MDGA2: variants seen among roughly 807,000 people sequenced by gnomAD.
The protein encoded by MDGA2 is MAM domain containing glycosylphosphatidylinositol anchor 2, also known as MAM domain-containing glycosylphosphatidylinositol anchor protein 2.
A neutral mutation model predicts 117.8 loss-of-function variants in MDGA2; 40 were observed. That is an observed-to-expected ratio of 0.34 (90% CI 0.26 to 0.44). The LOEUF (loss-of-function observed/expected upper bound fraction) is 0.44, where lower values mean the gene tolerates loss of function less well. Among genes scored for constraint, MDGA2 ranks in the 20% least tolerant of loss-of-function variants. MDGA2 has a pLI of 1.00. For missense variants in MDGA2, 1,123 were observed against 1,250.6 expected, an observed-to-expected ratio of 0.90 and a Z score of 1.54; for synonymous variants, 452 against 439.0, an observed-to-expected ratio of 1.03 and a Z score of -0.37.
intron 1 of MDGA2, among the ~76,000 whole-genome samples, chr14:47,400,753 C>CT (rs1169958786): frequency 2.5e-4 from 5 of 19,948 alleles, no homozygotes; most frequent in African/African-American, 3.8e-4. Context: ...CTTTTCTTTT[C>CT]TTTTCTTTTT....
chr14:47,527,647 G>A (rs538253127), intron 1 of MDGA2, among the ~76,000 whole-genome samples: 1 of 152,276 alleles, frequency 6.6e-6, no homozygotes, highest in African/African-American at 2.4e-5. Flanking sequence ...AGAGAACAGA[G>A]TTTCAAGAAG....
At position 47,486,788 on chromosome 14, in the gene MDGA2, C is replaced by G. The variant is rs564945745; in HGVS notation, c.281-185238G>C. ...TTTGCTTGCTGCCATCCATGTAAGA[C>G]ATAACTTGCTCCCCCTTGCCTTCTG... On this transcript the variant is annotated intron_variant, in intron 1 of 16. Transcript: ENST00000399232. Among the ~76,000 whole-genome samples the G allele has an allele frequency of 1.6e-3, 241 of 152,294 alleles. 1 individual carries two copies. Among genetic ancestry groups the G allele is most frequent in the African/African-American group, 5.6e-3 (233 of 41,574 alleles).
chr14:46,946,700 A>G (rs919209754), intron 9 of MDGA2, among the ~76,000 whole-genome samples: 2 of 152,128 alleles, frequency 1.3e-5, no homozygotes, highest in Admixed American at 6.6e-5. Context: ...TAAGACTTGT[A>G]GAAAAAGAAA....
intron 8 of MDGA2, among the ~76,000 whole-genome samples, chr14:46,972,791 A>T (rs1886319692): frequency 6.6e-6 from 1 of 152,092 alleles, no homozygotes; most frequent in Non-Finnish European, 1.5e-5. Context: ...TATTGAAATT[A>T]TTTTTTCATT....
chr14:46,848,681 T>G (rs1880940370), intron 15 of MDGA2, among the ~76,000 whole-genome samples: 3 of 149,796 alleles, frequency 2.0e-5, no homozygotes, highest in Admixed American at 2.0e-4. Context: ...AGCAGTGAAA[T>G]TGTGAAAGAC....
intron 10 of MDGA2, among the ~76,000 whole-genome samples, chr14:46,912,203 C>T (rs1047130912): frequency 3.9e-5 from 6 of 152,160 alleles, no homozygotes; most frequent in African/African-American, 1.4e-4. Flanking sequence ...CTGTACTTTG[C>T]TCATAAGCAA....
intron 3 of MDGA2, among the ~76,000 whole-genome samples, chr14:47,206,252 C>T (rs939627653): frequency 2.0e-5 from 3 of 151,958 alleles, no homozygotes; most frequent in African/African-American, 4.8e-5. Context: ...AATGTTTAAG[C>T]AGTAAGTTAT....
Position 47,541,395 on chromosome 14 carries a change from C to T in MDGA2, c.280+133122G>A, listed in dbSNP as rs183332391. 1.2e-4 allele frequency among the ~76,000 whole-genome samples: 18 copies of T among 152,278 alleles called. No individual in the cohort carries two copies. The East Asian group carries it at 3.5e-3, about 29-fold the overall frequency. Reference sequence around the variant, plus strand: ...GAAAGCAGTCACAGCAGTTAGGAGGCCACATAATTTTCCCATGCTTGGGGT... The same window carrying T: ...GAAAGCAGTCACAGCAGTTAGGAGGTCACATAATTTTCCCATGCTTGGGGT... On this transcript the variant is annotated intron_variant, in intron 1 of 16. Coordinates refer to ENST00000399232, the MANE Select transcript of MDGA2 (RefSeq NM_001113498.3).
At chr14:47,220,498 GCA>G (rs924769121) in intron 2 of MDGA2, among the ~76,000 whole-genome samples, 1 of 152,104 alleles carries the variant, frequency 6.6e-6, no homozygotes, top group African/African-American at 2.4e-5. Flanking sequence ...TTCATGTTTT[GCA>G]CAGTTTTGGT....
At chr14:47,235,476 T>C (rs1428922576) in intron 2 of MDGA2, among the ~76,000 whole-genome samples, 1 of 152,184 alleles carries the variant, frequency 6.6e-6, no homozygotes, top group Non-Finnish European at 1.5e-5. Flanking sequence ...ACCTTTCTGT[T>C]CCTCACAATC....
At chr14:47,225,204 A>G (rs573413669) in intron 2 of MDGA2, among the ~76,000 whole-genome samples, 7 of 151,952 alleles carry the variant, frequency 4.6e-5, no homozygotes, top group Non-Finnish European at 8.8e-5. Flanking sequence ...ACACTTTTAC[A>G]CTGTTGGTGG....
chr14:47,335,745 T>TATATATACACACATAC, intron 1 of MDGA2, among the ~76,000 whole-genome samples: 1 of 95,558 alleles, frequency 1.0e-5, no homozygotes, highest in African/African-American at 4.3e-5. Context: ...TATATATATA[T>TATATATACACACATAC]ATACATACAT....
intron 16 of MDGA2, among the ~76,000 whole-genome samples, chr14:46,843,350 T>C (rs1025083941): frequency 6.6e-6 from 1 of 152,134 alleles, no homozygotes; most frequent in Non-Finnish European, 1.5e-5. Flanking sequence ...TGTGCTTACA[T>C]TATGAAAATG....
rs576243638 is a variant in MDGA2 at position 46,872,537 on chromosome 14, G to T, written c.2752+896C>A. ...TAGAATTTTGTCTTATGTTAGAAAG[G>T]TGAGAGATTATATCACTTATATCAT... On this transcript the variant is annotated intron_variant, in intron 14 of 16. Coordinates refer to ENST00000399232, the MANE Select transcript of MDGA2 (RefSeq NM_001113498.3). Among the ~76,000 whole-genome samples, 17 of 151,980 alleles carry T rather than the reference G, an allele frequency of 1.1e-4. 2 individuals carry two copies. In the South Asian group the frequency reaches 3.5e-3, roughly 31 times the overall value.
chr14:47,482,565 CT>C, intron 1 of MDGA2, among the ~76,000 whole-genome samples: 1 of 152,098 alleles, frequency 6.6e-6, no homozygotes, highest in Non-Finnish European at 1.5e-5. Context: ...ATTTTAAAAT[CT>C]AATGTTTATT....
chr14:46,980,461 C>T (rs1325824792), intron 8 of MDGA2, among the ~76,000 whole-genome samples: 4 of 152,130 alleles, frequency 2.6e-5, no homozygotes, highest in Non-Finnish European at 4.4e-5. Context: ...GAAATTACCA[C>T]GAAGGATTTA....
At chr14:47,361,721 T>A (rs1245859662) in intron 1 of MDGA2, among the ~76,000 whole-genome samples, 1 of 152,054 alleles carries the variant, frequency 6.6e-6, no homozygotes, top group African/African-American at 2.4e-5. Flanking sequence ...TTACATAGGA[T>A]TCCATTCTTG....
chr14:47,564,720 T>A (rs534692313), intron 1 of MDGA2, among the ~76,000 whole-genome samples: 6 of 152,320 alleles, frequency 3.9e-5, no homozygotes, highest in Admixed American at 3.3e-4. Flanking sequence ...CCACATTGCT[T>A]GTTTTCTCTC....
intron 8 of MDGA2, among the ~76,000 whole-genome samples, chr14:47,025,300 A>C (rs1332852046): frequency 6.6e-6 from 1 of 152,206 alleles, no homozygotes; most frequent in Non-Finnish European, 1.5e-5. Context: ...TGACATTTCT[A>C]CATTAAATTG....
Sources: allele counts gnomAD v4.1 joint callset (sites outside exome capture counted in the v4.1 genomes callset), GRCh38; gene constraint gnomAD v4.1.1; transcripts MANE v1.5; gene names NCBI Gene and HGNC (gene_info 2026-07-23, HGNC 2026-07-21).